Variants in CXCL13 observed in about 807,000 individuals in gnomAD.
The protein encoded by CXCL13 is C-X-C motif chemokine 13.
CXCL13 carries 7 observed loss-of-function variants against 12.2 expected under a neutral mutation model. The ratio of observed to expected loss-of-function variants is 0.57; its 90% CI spans 0.33 to 1.07. The LOEUF is 1.07. Ranked by LOEUF, CXCL13 falls within the 50% of genes least tolerant of loss-of-function variation. CXCL13 has a pLI of 0.04. For missense variants in CXCL13, 113 were observed against 127.4 expected, an observed-to-expected ratio of 0.89 and a Z score of 0.55; for synonymous variants, 47 against 42.4, an observed-to-expected ratio of 1.11 and a Z score of -0.42.
At chr4:77,589,557 A>G (rs986845227) in intron 1 of CXCL13, among the ~76,000 whole-genome samples, 4 of 139,916 alleles carry the variant, frequency 2.9e-5, no homozygotes, top group South Asian at 2.3e-4. Context: ...TATGTATCAG[A>G]AAAAAAAAAC....
intron 1 of CXCL13, among the ~76,000 whole-genome samples, chr4:77,518,047 T>C (rs900946481): frequency 6.6e-6 from 1 of 152,166 alleles, no homozygotes; most frequent in Non-Finnish European, 1.5e-5. Flanking sequence ...TTCTCCTTCA[T>C]TTATGAAGCT....
intron 1 of CXCL13, among the ~76,000 whole-genome samples, chr4:77,553,071 A>G (rs903627024): frequency 1.3e-5 from 2 of 152,136 alleles, no homozygotes; most frequent in South Asian, 2.1e-4. Flanking sequence ...AAGGGGCCCT[A>G]CTGCATCACG....
intron 1 of CXCL13, among the ~76,000 whole-genome samples, chr4:77,520,917 T>C (rs1474157364): frequency 6.6e-6 from 1 of 152,210 alleles, no homozygotes; most frequent in Non-Finnish European, 1.5e-5. Context: ...TGAGAGTTTT[T>C]AAGAAAAAGT....
intron 1 of CXCL13, among the ~76,000 whole-genome samples, chr4:77,577,544 A>G (rs1437610784): frequency 6.6e-6 from 1 of 152,214 alleles, no homozygotes; most frequent in African/African-American, 2.4e-5. Flanking sequence ...AGGTCATGCT[A>G]GTATCCATGG....
intron 1 of CXCL13, among the ~76,000 whole-genome samples, chr4:77,579,967 G>A (rs745694043): frequency 3.9e-5 from 6 of 152,118 alleles, no homozygotes; most frequent in Non-Finnish European, 8.8e-5. Flanking sequence ...CCACAGGCCA[G>A]GCATAGACAC....
chr4:77,524,015 T>G (rs1205126533), intron 1 of CXCL13, among the ~76,000 whole-genome samples: 1 of 152,202 alleles, frequency 6.6e-6, no homozygotes, highest in Admixed American at 6.5e-5. Context: ...CTCCAGACCC[T>G]GTTTTCCTGG....
At chr4:77,606,235 C>T (rs1727001768) in intron 1 of CXCL13, among the ~76,000 whole-genome samples, 1 of 152,158 alleles carries the variant, frequency 6.6e-6, no homozygotes, top group African/African-American at 2.4e-5. Flanking sequence ...ACATGTAGCT[C>T]TTCTTTGTTC....
intron 1 of CXCL13, among the ~76,000 whole-genome samples, chr4:77,534,730 C>T (rs528755633): frequency 6.6e-6 from 1 of 152,304 alleles, no homozygotes; most frequent in East Asian, 1.9e-4. Context: ...TTAGTGCAGG[C>T]CTCAGGTGTG....
intron 1 of CXCL13, among the ~76,000 whole-genome samples, chr4:77,518,193 G>A (rs1248698081): frequency 6.6e-6 from 1 of 152,136 alleles, no homozygotes; most frequent in Non-Finnish European, 1.5e-5. Context: ...TCCCTTTGTG[G>A]GTAACCCGAC....
intron 1 of CXCL13, among the ~76,000 whole-genome samples, chr4:77,522,221 T>C (rs1724619621): frequency 6.6e-6 from 1 of 152,156 alleles, no homozygotes; most frequent in African/African-American, 2.4e-5. Context: ...AGATGTCTAT[T>C]AGGTCTGCTT....
At chr4:77,542,708 T>C (rs1010608037) in intron 1 of CXCL13, among the ~76,000 whole-genome samples, 5 of 152,222 alleles carry the variant, frequency 3.3e-5, no homozygotes, top group Admixed American at 1.3e-4. Flanking sequence ...ATCCCAGGAA[T>C]GAAGCCTACT....
At chr4:77,584,813 C>T (rs1204454596) in intron 1 of CXCL13, among the ~76,000 whole-genome samples, 2 of 152,104 alleles carry the variant, frequency 1.3e-5, no homozygotes, top group African/African-American at 4.8e-5. Flanking sequence ...GTTGGGAATG[C>T]CAATCTGCTT....
intron 1 of CXCL13, among the ~76,000 whole-genome samples, chr4:77,525,358 T>C (rs1724737361): frequency 6.6e-6 from 1 of 152,236 alleles, no homozygotes; most frequent in Non-Finnish European, 1.5e-5. Context: ...CAAAGGAAGA[T>C]TTTTCTCATT....
intron 1 of CXCL13, among the ~76,000 whole-genome samples, chr4:77,586,590 A>G (rs1443085060): frequency 1.3e-5 from 2 of 152,162 alleles, no homozygotes; most frequent in African/African-American, 2.4e-5. Flanking sequence ...CATGGGTATT[A>G]CCTCCATAAC....
intron 1 of CXCL13, among the ~76,000 whole-genome samples, chr4:77,579,534 G>T (rs932009682): frequency 1.3e-5 from 2 of 152,094 alleles, no homozygotes; most frequent in Non-Finnish European, 2.9e-5. Flanking sequence ...GTCCCCAGAA[G>T]TCTAGTAATC....
intron 1 of CXCL13, among the ~76,000 whole-genome samples, chr4:77,585,264 T>C (rs1014303195): frequency 1.3e-5 from 2 of 152,218 alleles, no homozygotes; most frequent in Non-Finnish European, 2.9e-5. Flanking sequence ...AAAACCTCTC[T>C]TCAGGTATGG....
intron 1 of CXCL13, among the ~76,000 whole-genome samples, chr4:77,568,949 A>T (rs355664): frequency 0.37 from 56,047 of 152,056 alleles, 10,959 homozygotes; most frequent in South Asian, 0.46. Context: ...AGGGGAAAAT[A>T]GCTGGGTTCT....
chr4:77,607,867 C>T, intron 2 of CXCL13, 32 bp downstream of exon 2: 3 of 1,605,052 alleles, frequency 1.9e-6, no homozygotes, highest in Non-Finnish European at 2.6e-6. Flanking sequence ...AATAAGATTT[C>T]CTTCTCCCAA....
chr4:77,563,861 C>A (rs1323319802), intron 1 of CXCL13, among the ~76,000 whole-genome samples: 1 of 152,100 alleles, frequency 6.6e-6, no homozygotes, highest in Non-Finnish European at 1.5e-5. Context: ...ACTTTCTATG[C>A]CTCAAATCTT....
Sources: gnomAD v4.1 joint callset for allele counts (sites outside exome capture counted in the v4.1 genomes callset) on GRCh38, gnomAD v4.1.1 for gene constraint, MANE v1.5 for transcripts, NCBI Gene and HGNC (gene_info 2026-07-23, HGNC 2026-07-21) for gene names.